The following RPS6KC1 variants were observed in gnomAD, a reference collection of about 807,000 sequenced individuals.
The protein encoded by RPS6KC1 is inactive ribosomal protein S6 kinase delta-1.
Under a neutral mutation model 103.8 loss-of-function variants are expected in RPS6KC1, and 54 were observed. That is an observed-to-expected ratio of 0.52 (90% CI 0.42 to 0.65). The LOEUF (loss-of-function observed/expected upper bound fraction) is 0.65, where lower values mean the gene tolerates loss of function less well. Among genes scored for constraint, RPS6KC1 ranks in the 30% least tolerant of loss-of-function variants. The pLI, the probability that RPS6KC1 is intolerant of heterozygous loss-of-function variation, is 0.00. For synonymous variants in RPS6KC1, 439 were observed against 438.7 expected (o/e 1.00, Z -0.01); for missense variants, 1,151 against 1,253.8 (o/e 0.92, Z 1.24).
chr1:213,841,317 A>AG, the RPS6KC1 span: 1 of 152,116 alleles, frequency 6.6e-6, no homozygotes, highest in Non-Finnish European at 1.5e-5. Context: ...TGAAGATTGG[A>AG]GGAGATGCTT....
At chr1:213,349,655 A>G in the RPS6KC1 span, among the ~76,000 whole-genome samples, 20 of 152,290 alleles carry the variant, frequency 1.3e-4, no homozygotes, top group South Asian at 6.2e-4. Flanking sequence ...TTGAACCCAG[A>G]TTTGTCAGAC....
At chr1:213,457,953 A>T in the RPS6KC1 span, among the ~76,000 whole-genome samples, 62 of 152,344 alleles carry the variant, frequency 4.1e-4, no homozygotes, top group Middle Eastern at 3.4e-3. Flanking sequence ...ATTCAATTAG[A>T]TTTTTATAGC....
At chr1:213,330,982 T>C in the RPS6KC1 span, among the ~76,000 whole-genome samples, 1 of 152,178 alleles carries the variant, frequency 6.6e-6, no homozygotes, top group African/African-American at 2.4e-5. Flanking sequence ...GAAGGTGGCA[T>C]TTTATCCTGG....
At chr1:213,758,070 A>G in the RPS6KC1 span, among the ~76,000 whole-genome samples, 1 of 152,190 alleles carries the variant, frequency 6.6e-6, no homozygotes, top group Admixed American at 6.5e-5. Flanking sequence ...TCTGATGGAG[A>G]TGTACAAGGA....
chr1:213,531,125 A>G, the RPS6KC1 span, among the ~76,000 whole-genome samples: 1 of 152,194 alleles, frequency 6.6e-6, no homozygotes, highest in Admixed American at 6.5e-5. Flanking sequence ...AGGCATTGAC[A>G]TGGTAATGCA....
At chr1:213,116,150 G>C (rs559440466) in intron 4 of RPS6KC1, among the ~76,000 whole-genome samples, 36 of 152,036 alleles carry the variant, frequency 2.4e-4, no homozygotes, top group Middle Eastern at 6.8e-3. Flanking sequence ...GTTGACAGTG[G>C]GGTGTTAAAG....
At chr1:213,210,114 C>T (rs2093463999) in intron 8 of RPS6KC1, among the ~76,000 whole-genome samples, 1 of 152,122 alleles carries the variant, frequency 6.6e-6, no homozygotes, top group Non-Finnish European at 1.5e-5. Context: ...GTACCAACCT[C>T]CTATCTCATC....
At chr1:213,176,198 TCTTG>T (rs1315786423) in intron 7 of RPS6KC1, among the ~76,000 whole-genome samples, 198 bp from the exon 8 acceptor site, 1 of 152,222 alleles carries the variant, frequency 6.6e-6, no homozygotes, top group Non-Finnish European at 1.5e-5. Context: ...GCAACTTTTT[TCTTG>T]CTTTTTCTTT....
At chr1:213,127,659 T>G (rs1318064988) in intron 5 of RPS6KC1, among the ~76,000 whole-genome samples, 3 of 152,200 alleles carry the variant, frequency 2.0e-5, no homozygotes, top group African/African-American at 7.2e-5. Flanking sequence ...GGAAAACAAC[T>G]GATATTATTT....
chr1:213,704,420 G>A, the RPS6KC1 span, among the ~76,000 whole-genome samples: 1 of 143,584 alleles, frequency 7.0e-6, no homozygotes, highest in Non-Finnish European at 1.5e-5. Flanking sequence ...AAACTCTGAT[G>A]TATTCTTCAG....
chr1:213,401,943 T>C, the RPS6KC1 span, among the ~76,000 whole-genome samples: 1 of 151,976 alleles, frequency 6.6e-6, no homozygotes, highest in African/African-American at 2.4e-5. Context: ...TGTGCCACCA[T>C]GCTTGGCTGA....
chr1:213,701,966 G>T, the RPS6KC1 span, among the ~76,000 whole-genome samples: 1 of 151,562 alleles, frequency 6.6e-6, no homozygotes, highest in African/African-American at 2.4e-5. Flanking sequence ...TTTTGGATTT[G>T]GTTTGCTCCT....
At chr1:213,599,304 G>A in the RPS6KC1 span, among the ~76,000 whole-genome samples, 3 of 152,062 alleles carry the variant, frequency 2.0e-5, no homozygotes, top group Admixed American at 6.6e-5. Context: ...CTGTTGAGGG[G>A]GTCTCTGTTT....
the RPS6KC1 span, among the ~76,000 whole-genome samples, chr1:213,331,228 G>C: frequency 6.6e-6 from 1 of 152,170 alleles, no homozygotes; most frequent in African/African-American, 2.4e-5. Flanking sequence ...TGGACTTCTT[G>C]AATTCTAGGT....
the RPS6KC1 span, among the ~76,000 whole-genome samples, chr1:213,517,391 C>T: frequency 1.3e-5 from 2 of 152,288 alleles, no homozygotes; most frequent in African/African-American, 4.8e-5. Context: ...CCTCTACACA[C>T]TGCTTTGAAT....
chr1:213,736,151 G>A, the RPS6KC1 span, among the ~76,000 whole-genome samples: 112 of 152,274 alleles, frequency 7.4e-4, no homozygotes, highest in African/African-American at 2.7e-3. Context: ...TGATTCCTGG[G>A]TAACAAATTA....
chr1:213,854,916 G>A, the RPS6KC1 span, among the ~76,000 whole-genome samples: 1 of 152,210 alleles, frequency 6.6e-6, no homozygotes, highest in Non-Finnish European at 1.5e-5. Context: ...CTTAGCCACA[G>A]AAATTAATTT....
At chr1:213,811,477 G>A in the RPS6KC1 span, among the ~76,000 whole-genome samples, 11 of 152,266 alleles carry the variant, frequency 7.2e-5, no homozygotes, top group Non-Finnish European at 1.2e-4. Flanking sequence ...AGCTGCTCAC[G>A]ATAAATAGCA....
At chr1:213,809,833 A>G in the RPS6KC1 span, among the ~76,000 whole-genome samples, 1 of 152,210 alleles carries the variant, frequency 6.6e-6, no homozygotes, top group Non-Finnish European at 1.5e-5. Context: ...CTGTCACCCT[A>G]TCGCATTCTC....
Sources: gnomAD v4.1 joint callset for allele counts (sites outside exome capture counted in the v4.1 genomes callset) on GRCh38, gnomAD v4.1.1 for gene constraint, MANE v1.5 for transcripts, NCBI Gene and HGNC (gene_info 2026-07-23, HGNC 2026-07-21) for gene names.